Variants in CDC42SE2 observed in about 807,000 individuals in gnomAD.
CDC42SE2 encodes CDC42 small effector protein 2.
CDC42SE2 carries 3 observed loss-of-function variants against 11.5 expected under a neutral mutation model. The observed-to-expected ratio is 0.26, with a 90% CI of 0.12 to 0.67. CDC42SE2 has a LOEUF of 0.67. Among genes scored for constraint, CDC42SE2 ranks in the 30% least tolerant of loss-of-function variants. The pLI, the probability that CDC42SE2 is intolerant of heterozygous loss-of-function variation, is 0.80. For synonymous variants in CDC42SE2, 33 were observed against 34.8 expected, an observed-to-expected ratio of 0.95 and a Z score of 0.18; for missense variants, 82 against 106.8, an observed-to-expected ratio of 0.77 and a Z score of 1.02.
At chr5:131,305,248 A>G (rs192095959) in intron 1 of CDC42SE2, among the ~76,000 whole-genome samples, 1 of 152,166 alleles carries the variant, frequency 6.6e-6, no homozygotes, top group East Asian at 1.9e-4. Flanking sequence ...TCTCCAGTTG[A>G]TGAATTGTTT....
At chr5:131,231,154 T>G in the CDC42SE2 span, among the ~76,000 whole-genome samples, 78 of 152,324 alleles carry the variant, frequency 5.1e-4, no homozygotes, top group African/African-American at 1.8e-3. Flanking sequence ...TTCTCCCTCC[T>G]TTTTAATTCT....
At chr5:131,288,563 T>C (rs1757388231) in intron 1 of CDC42SE2, among the ~76,000 whole-genome samples, 1 of 152,164 alleles carries the variant, frequency 6.6e-6, no homozygotes, top group African/African-American at 2.4e-5. Context: ...GGTGCAGTCA[T>C]ACCTCACTAC....
intron 1 of CDC42SE2, among the ~76,000 whole-genome samples, chr5:131,251,989 T>C (rs1756642511): frequency 6.7e-6 from 1 of 148,772 alleles, no homozygotes; most frequent in African/African-American, 2.5e-5. Context: ...CACTACAGCC[T>C]GAGCAACAGA....
chr5:131,388,474 G>GA (rs1346080616), intron 4 of CDC42SE2, among the ~76,000 whole-genome samples: 3 of 152,220 alleles, frequency 2.0e-5, no homozygotes, highest in African/African-American at 7.2e-5. Context: ...TGACGCATAT[G>GA]AAACAGGCTT....
intron 2 of CDC42SE2, among the ~76,000 whole-genome samples, chr5:131,349,164 A>G (rs903444562): frequency 5.9e-5 from 9 of 152,124 alleles, no homozygotes; most frequent in African/African-American, 1.2e-4. Context: ...CTTTGCAGCC[A>G]TAAAAAAGGA....
intron 1 of CDC42SE2, among the ~76,000 whole-genome samples, chr5:131,279,809 C>A (rs184542988): frequency 2.2e-4 from 33 of 152,278 alleles, no homozygotes; most frequent in African/African-American, 7.2e-4. Flanking sequence ...GTGGTTGGCT[C>A]ACGCTTGTAA....
chr5:131,270,082 A>C (rs1008266580), intron 1 of CDC42SE2, among the ~76,000 whole-genome samples: 2 of 151,062 alleles, frequency 1.3e-5, no homozygotes, highest in Non-Finnish European at 1.5e-5. Context: ...AACAAACAAA[A>C]AAAAACAACT....
At chr5:131,312,786 G>T (rs1030716286) in intron 1 of CDC42SE2, among the ~76,000 whole-genome samples, 2 of 152,074 alleles carry the variant, frequency 1.3e-5, no homozygotes, top group African/African-American at 4.8e-5. Context: ...GCAATGCCTC[G>T]CCCTACTTTG....
the CDC42SE2 span, among the ~76,000 whole-genome samples, chr5:131,213,300 T>C: frequency 1.3e-5 from 2 of 152,210 alleles, no homozygotes; most frequent in African/African-American, 4.8e-5. Context: ...ACTCTAGCTT[T>C]GAAGTTTTTC....
At chr5:131,275,030 A>G (rs1453190591) in intron 1 of CDC42SE2, among the ~76,000 whole-genome samples, 1 of 152,236 alleles carries the variant, frequency 6.6e-6, no homozygotes, top group Non-Finnish European at 1.5e-5. Flanking sequence ...ATTTAGATGC[A>G]AGAGTATGAA....
intron 1 of CDC42SE2, among the ~76,000 whole-genome samples, chr5:131,296,450 C>T (rs764361603): frequency 8.5e-5 from 13 of 152,218 alleles, no homozygotes; most frequent in Non-Finnish European, 1.5e-4. Flanking sequence ...GCGCTGTGTT[C>T]CCCATGAAAC....
the CDC42SE2 span, among the ~76,000 whole-genome samples, chr5:131,213,422 T>C: frequency 6.6e-6 from 1 of 152,080 alleles, no homozygotes; most frequent in Non-Finnish European, 1.5e-5. Context: ...CAGATACCAA[T>C]TATTTTTTTC....
At chr5:131,245,943 ATC>A (rs1756577883) in intron 1 of CDC42SE2, among the ~76,000 whole-genome samples, 1 of 152,132 alleles carries the variant, frequency 6.6e-6, no homozygotes, top group South Asian at 2.1e-4. Flanking sequence ...CAGTTTCTCC[ATC>A]TCTCACTTGG....
At chr5:131,271,329 C>T (rs1756991368) in intron 1 of CDC42SE2, among the ~76,000 whole-genome samples, 1 of 152,128 alleles carries the variant, frequency 6.6e-6, no homozygotes, top group Non-Finnish European at 1.5e-5. Flanking sequence ...ATGCAGTAGA[C>T]CCTCCAAATC....
At chr5:131,370,628 T>C (rs754455047) in intron 3 of CDC42SE2, among the ~76,000 whole-genome samples, 1 of 152,184 alleles carries the variant, frequency 6.6e-6, no homozygotes, top group Non-Finnish European at 1.5e-5. Context: ...TGGTCAAACA[T>C]TTCTTTAGTT....
At position 131,359,447 on chromosome 5, in the gene CDC42SE2, T is replaced by G; in HGVS notation, c.-47T>G. 5.4e-4 allele frequency: 791 copies of G among 1,459,582 alleles called. No homozygotes were observed. Among genetic ancestry groups the G allele is most frequent in the Non-Finnish European group, 7.0e-4 (727 of 1,039,016 alleles). 90.4% of individuals were successfully genotyped at this position (1,459,582 alleles called of 1,614,324 possible). On this transcript the variant is annotated 5_prime_UTR_variant, in exon 3 of 5. Coordinates refer to ENST00000505065, the MANE Select transcript of CDC42SE2 (RefSeq NM_001375635.1). Reference sequence around the variant, plus strand: ...AGCGTATTTTTGGAACTTCCCGAGTTGAGATTTGGAACCTTCATTGGTGCT... The same window carrying G: ...AGCGTATTTTTGGAACTTCCCGAGTGGAGATTTGGAACCTTCATTGGTGCT...
intron 1 of CDC42SE2, among the ~76,000 whole-genome samples, chr5:131,272,287 C>G (rs1024362187): frequency 6.6e-6 from 1 of 152,098 alleles, no homozygotes; most frequent in South Asian, 2.1e-4. Flanking sequence ...TCCCAAAATA[C>G]TGAGATTACA....
In CDC42SE2 at chr5:131,393,065, CAG is replaced by C. The variant is rs1277069943; in HGVS notation, c.*1977_*1978del. On this transcript the variant is annotated 3_prime_UTR_variant, in exon 5 of 5. Transcript: ENST00000505065. ...TTTCTGTTAGAGTGTGGTGTTAAGC[CAG>C]AGTCAGTGGTTTGTGTTCTCATTAA... The C allele has an allele frequency of 2.3e-4, 35 of 152,446 alleles. 1 individual carries two copies. The highest frequency in any genetic ancestry group is 7.2e-4 in the African/African-American group (30 of 41,562). 9.4% of individuals were successfully genotyped at this position (152,446 alleles called of 1,614,324 possible).
At chr5:131,385,510 A>G (rs1451395930) in intron 3 of CDC42SE2, 33 bp from the exon 4 acceptor site, 7 of 1,464,836 alleles carry the variant, frequency 4.8e-6, no homozygotes, top group Non-Finnish European at 6.7e-6. Flanking sequence ...TCATAAGATC[A>G]CTTTCTCAAC....
Sources: gnomAD v4.1 joint callset for allele counts (sites outside exome capture counted in the v4.1 genomes callset) on GRCh38, gnomAD v4.1.1 for gene constraint, MANE v1.5 for transcripts, NCBI Gene and HGNC (gene_info 2026-07-23, HGNC 2026-07-21) for gene names.